PTBP3: variants seen among roughly 807,000 people sequenced by gnomAD.
The protein encoded by PTBP3 is polypyrimidine tract-binding protein 3.
PTBP3 carries 20 observed loss-of-function variants against 58.7 expected under a neutral mutation model. That is an observed-to-expected ratio of 0.34 (90% CI 0.24 to 0.50). The LOEUF (loss-of-function observed/expected upper bound fraction) is 0.50. PTBP3 is among the 20% of genes least tolerant of loss of function. The pLI is 0.98. For synonymous variants in PTBP3, 185 were observed against 219.8 expected (o/e 0.84, Z 1.40); for missense variants, 509 against 637.2 (o/e 0.80, Z 2.17).
At chr9:112,259,422 T>G (rs181940378) in intron 5 of PTBP3, among the ~76,000 whole-genome samples, 11 of 152,168 alleles carry the variant, frequency 7.2e-5, no homozygotes, top group Non-Finnish European at 1.6e-4. Flanking sequence ...GCTTTCTTAC[T>G]CTCTCTATTC....
At chr9:112,329,896 G>T (rs1830302332) in intron 1 of PTBP3, among the ~76,000 whole-genome samples, 1 of 144,930 alleles carries the variant, frequency 6.9e-6, no homozygotes, top group South Asian at 2.2e-4. Flanking sequence ...GTCCAGGCTG[G>T]AGTGCAGTGA....
intron 2 of PTBP3, 41 bp downstream of exon 2, chr9:112,297,791 A>G: frequency 7.0e-7 from 1 of 1,430,454 alleles, no homozygotes; most frequent in Non-Finnish European, 9.5e-7. Flanking sequence ...ACAATTTGAA[A>G]CCCACAGAAA....
At chr9:112,368,935 G>A in the PTBP3 span, among the ~76,000 whole-genome samples, 2 of 152,236 alleles carry the variant, frequency 1.3e-5, no homozygotes, top group African/African-American at 4.8e-5. Flanking sequence ...CCCAGCCATG[G>A]CTAAAAGGGG....
chr9:112,297,774 T>TA (rs1398225245), intron 2 of PTBP3, 58 bp downstream of exon 2: 33 of 1,370,994 alleles, frequency 2.4e-5, no homozygotes, highest in African/African-American at 7.6e-5. Flanking sequence ...AAGAGCATTG[T>TA]AAAAAAACAA....
Position 112,260,607 on chromosome 9 carries a change from G to C in PTBP3, c.516+1828C>G, listed in dbSNP as rs572228865. The stretch of plus-strand genomic sequence containing the variant: ...GCCTAAGAAATACAAGACAGAAATG[G>C]ACTAAGGACAGAACTAAGCAGGGGA... On this transcript the variant is annotated intron_variant, in intron 5 of 13. Coordinates refer to ENST00000374257, the MANE Select transcript of PTBP3 (RefSeq NM_001163788.4). 6.6e-5 allele frequency among the ~76,000 whole-genome samples: 10 copies of C among 152,306 alleles called. No homozygotes were observed. In the East Asian group the frequency reaches 9.6e-4, roughly 15 times the overall value.
At chr9:112,289,137 C>T (rs1383717637) in intron 2 of PTBP3, among the ~76,000 whole-genome samples, 1 of 152,156 alleles carries the variant, frequency 6.6e-6, no homozygotes, top group Non-Finnish European at 1.5e-5. Flanking sequence ...ATACGCGCTG[C>T]TTTTCCCTTA....
Position 112,237,186 on chromosome 9 carries a change from A to G in PTBP3, c.803-2289T>C, listed in dbSNP as rs775792825. Reference sequence around the variant, plus strand: ...ACTGTTTCCATGTAAAATAAGATTAATAAGAACATTTGCTAAAATTTGACA... The same window carrying G: ...ACTGTTTCCATGTAAAATAAGATTAGTAAGAACATTTGCTAAAATTTGACA... On this transcript the variant is annotated intron_variant, in intron 7 of 13. Coordinates refer to ENST00000374257, the MANE Select transcript of PTBP3 (RefSeq NM_001163788.4). 2.6e-5 allele frequency among the ~76,000 whole-genome samples: 4 copies of G among 152,214 alleles called. 1 individual carries two copies. The highest frequency in any genetic ancestry group is 5.9e-5 in the Non-Finnish European group (4 of 68,032).
At chr9:112,240,308 A>G (rs1835604681) in intron 7 of PTBP3, among the ~76,000 whole-genome samples, 1 of 152,194 alleles carries the variant, frequency 6.6e-6, no homozygotes, top group African/African-American at 2.4e-5. Context: ...ATATCTATCT[A>G]TGTACAATGT....
In PTBP3 at chr9:112,220,768, T is replaced by C. The variant is rs760445695; in HGVS notation, c.*3083A>G. 18 of 983,636 alleles carry C rather than the reference T, an allele frequency of 1.8e-5. No homozygotes were observed. Among genetic ancestry groups the C allele is most frequent in the African/African-American group, 3.5e-5 (2 of 57,146 alleles). The allele number at this position is 983,636 out of a possible 1,614,324, so 60.9% of individuals were successfully genotyped here. ...CTCAAAGTAAATCATTTTGGTGTAA[T>C]TCGCTACTGTTAAATGTGTACTGCT... On this transcript the variant is annotated 3_prime_UTR_variant, in exon 14 of 14. Coordinates refer to ENST00000374257, the MANE Select transcript of PTBP3 (RefSeq NM_001163788.4).
intron 11 of PTBP3, among the ~76,000 whole-genome samples, chr9:112,228,176 G>T (rs900337522): frequency 6.6e-6 from 1 of 152,104 alleles, no homozygotes; most frequent in Non-Finnish European, 1.5e-5. Flanking sequence ...ATATGTTCAC[G>T]TAGACAAATG....
intron 2 of PTBP3, among the ~76,000 whole-genome samples, chr9:112,296,758 G>A (rs904386068): frequency 9.2e-5 from 14 of 152,078 alleles, no homozygotes; most frequent in Admixed American, 9.2e-4. Context: ...GTCCAACTCT[G>A]TTCTTCCTAC....
chr9:112,229,329 C>T (rs1226698168), intron 10 of PTBP3, among the ~76,000 whole-genome samples: 1 of 151,968 alleles, frequency 6.6e-6, no homozygotes, highest in Non-Finnish European at 1.5e-5. Context: ...TTTGGGAGGC[C>T]GAGGTGGGTG....
At chr9:112,252,529 A>AAC (rs1836171653) in intron 6 of PTBP3, 149 bp downstream of exon 6, 2 of 639,040 alleles carry the variant, frequency 3.1e-6, no homozygotes, top group African/African-American at 1.9e-5. Context: ...GAAAAAAAAA[A>AAC]CATGGAATCA....
intron 1 of PTBP3, among the ~76,000 whole-genome samples, chr9:112,306,615 TTTG>T: frequency 6.7e-6 from 1 of 149,072 alleles, no homozygotes; most frequent in Admixed American, 6.7e-5. Flanking sequence ...TTTTTGTTTG[TTTG>T]TTTGTTTGTT....
upstream of PTBP3, among the ~76,000 whole-genome samples, chr9:112,338,462 T>A (rs570605623): frequency 5.3e-5 from 8 of 152,344 alleles, no homozygotes; most frequent in South Asian, 1.7e-3. Context: ...ACTTATTTTT[T>A]AAATTTCCTG....
At chr9:112,238,692 G>A (rs1835527703) in intron 7 of PTBP3, among the ~76,000 whole-genome samples, 1 of 126,008 alleles carries the variant, frequency 7.9e-6, no homozygotes, top group South Asian at 2.5e-4. Context: ...AAACAGAGCA[G>A]CAGTTAGCTT....
At chr9:112,366,549 G>A in the PTBP3 span, among the ~76,000 whole-genome samples, 270 of 152,222 alleles carry the variant, frequency 1.8e-3, 3 homozygotes, top group African/African-American at 6.3e-3. Flanking sequence ...CCCAATCCTC[G>A]GAAGCTTCCA....
chr9:112,301,647 T>C (rs2132332141), intron 1 of PTBP3, among the ~76,000 whole-genome samples: 1 of 152,102 alleles, frequency 6.6e-6, no homozygotes, highest in Non-Finnish European at 1.5e-5. Context: ...CATAAGGAGA[T>C]CTTTGTGGTG....
chr9:112,269,351 A>G (rs2132166155), intron 3 of PTBP3, among the ~76,000 whole-genome samples: 1 of 152,240 alleles, frequency 6.6e-6, no homozygotes, highest in South Asian at 2.1e-4. Flanking sequence ...AGAAACACTA[A>G]TAATACCCAG....
Sources: gnomAD v4.1 joint callset for allele counts (sites outside exome capture counted in the v4.1 genomes callset) on GRCh38, gnomAD v4.1.1 for gene constraint, MANE v1.5 for transcripts, NCBI Gene and HGNC (gene_info 2026-07-23, HGNC 2026-07-21) for gene names.